FTCD: variants seen among roughly 807,000 people sequenced by gnomAD.
The protein encoded by FTCD is formimidoyltransferase-cyclodeaminase.
In FTCD, 76 loss-of-function variants were observed where a neutral mutation model predicts 62.9. The observed-to-expected ratio is 1.21, with a 90% CI of 1.00 to 1.46. The LOEUF (loss-of-function observed/expected upper bound fraction) is 1.46, where lower values mean the gene tolerates loss of function less well. Ranked by LOEUF, FTCD falls within the 40% of genes most tolerant of loss-of-function variation. The probability of loss-of-function intolerance (pLI) is 0.00; values close to 1 mark genes in which losing one functional copy is unlikely to be tolerated. For missense variants in FTCD, 845 were observed against 751.3 expected (o/e 1.12, Z -1.46); for synonymous variants, 397 against 336.9 (o/e 1.18, Z -1.95).
At position 46,154,225 on chromosome 21, in the gene FTCD, C is replaced by T. The variant is rs759113890; in HGVS notation, c.162G>A (p.Pro54=). ...TNRTVYTFVG[P]PECVVEGALN... is the part of the protein sequence containing the mutation. Reference sequence around the variant, plus strand: ...GGGCCCCCTCCACCACGCACTCCGGCGGCCCCACGAAGGTGTACACGGTGC... The same window carrying T: ...GGGCCCCCTCCACCACGCACTCCGGTGGCCCCACGAAGGTGTACACGGTGC... The change falls in exon 2 of 14, where the codon CCG becomes CCA. Residue 54 remains proline, a synonymous_variant. Coordinates refer to ENST00000397746, the MANE Select transcript of FTCD (RefSeq NM_206965.2). 1.4e-5 allele frequency: 23 copies of T among 1,612,730 alleles called. No individual in the cohort carries two copies. Among genetic ancestry groups the T allele is most frequent in the East Asian group, 2.2e-5 (1 of 44,900 alleles).
downstream of FTCD, chr21:46,136,289 G>GA (rs2078865653): frequency 1.6e-6 from 1 of 636,902 alleles, no homozygotes; most frequent in Admixed American, 2.9e-5. Flanking sequence ...TTTTAATGGA[G>GA]AACTTCTCTG....
chr21:46,138,360 A>G, intron 12 of FTCD, 148 bp downstream of exon 12: 1 of 715,292 alleles, frequency 1.4e-6, no homozygotes, highest in South Asian at 1.8e-5. Flanking sequence ...GCCCTGTTGG[A>G]GGAGGCCAAA....
chr21:46,148,161 A>G (rs909673771), intron 7 of FTCD, among the ~76,000 whole-genome samples: 1 of 152,152 alleles, frequency 6.6e-6, no homozygotes, highest in African/African-American at 2.4e-5. Flanking sequence ...TACTCCCCAC[A>G]ACGTATTAAT....
At position 46,145,427 on chromosome 21, in the gene FTCD, G is replaced by T. The variant is rs2079116277; in HGVS notation, c.1250C>A (p.Thr417Asn). ...TLVDADAEAF[T>N]AYLEAMRLPK... is the part of the protein sequence containing the mutation. ...GTGGCCGCCACTCACCAGGTAGGCG[G>T]TGAAGGCCTCGGCGTCGGCATCCAC... The change falls in exon 10 of 14, where the codon ACC (threonine) becomes AAC (asparagine). Residue 417 changes from threonine to asparagine, a missense_variant. Thr to Asn is a moderately conservative substitution (Grantham distance 65). Transcript: ENST00000397746. 2 of 1,553,460 alleles carry T rather than the reference G, an allele frequency of 1.3e-6. No homozygotes were observed. The highest frequency in any genetic ancestry group is 1.9e-5 in the Admixed American group (1 of 52,758).
In FTCD at chr21:46,138,559, G is replaced by T. The variant is rs1047179; in HGVS notation, c.1392C>A (p.Ala464=). ...LAETVASLWP[A]LQELARCGNL... ...TCCCACACCGGGCCAGTTCCTGCAG[G>T]GCCGGCCACAGCGAGGCCACCGTCT... The change falls in exon 12 of 14, where the codon GCC becomes GCA. Residue 464 remains alanine (A), a synonymous_variant. Coordinates refer to ENST00000397746, the MANE Select transcript of FTCD (RefSeq NM_206965.2). 5 of 1,583,856 alleles carry T rather than the reference G, an allele frequency of 3.2e-6. No individual in the cohort carries two copies. The Admixed American group carries it at 7.0e-5, about 22-fold the overall frequency.
In FTCD at chr21:46,146,165, A is replaced by G. The variant is rs575835131; in HGVS notation, c.968+101T>C. ...TAGGCGCCCAAAGGGAGGCGCTGGG[A>G]GGACTCAGCCGGGTCTCCACGCAGG... On this transcript the variant is annotated intron_variant, in intron 8 of 13. Coordinates refer to ENST00000397746, the MANE Select transcript of FTCD (RefSeq NM_206965.2). 21 of 890,518 alleles carry G rather than the reference A, an allele frequency of 2.4e-5. No homozygotes were observed. In the South Asian group the frequency reaches 3.0e-4, roughly 13 times the overall value. 55.2% of individuals were successfully genotyped at this position (890,518 alleles called of 1,614,324 possible). A position where few individuals can be genotyped will look rare whatever the true frequency, so the allele number is the denominator to read the frequency against.
chr21:46,142,538 C>A (rs66509241), intron 10 of FTCD: 2 of 150,722 alleles, frequency 1.3e-5, no homozygotes, highest in African/African-American at 4.9e-5. Flanking sequence ...TAGCTCCTCC[C>A]GGTGGGTTGG....
intron 5 of FTCD, 111 bp from the exon 6 acceptor site, chr21:46,150,636 TGGGTGG>T (rs1000663795): frequency 2.1e-4 from 238 of 1,135,380 alleles, no homozygotes; most frequent in Non-Finnish European, 2.9e-4. Flanking sequence ...AGCCTGTGCC[TGGGTGG>T]GTGCTGTGGT....
chr21:46,145,928 C>T lies in FTCD; in HGVS notation c.988G>A (p.Gly330Arg), dbSNP rs774835292. ...TTGCTGCCCAGGCCTCGCTCAGGCCCGCGCTCAGGGACCAGGTACCTGCAG... is the reference window on the plus strand; with the variant it reads ...TTGCTGCCCAGGCCTCGCTCAGGCCTGCGCTCAGGGACCAGGTACCTGCAG... ...RIIEYLVPER[G>R]PERGLGSKSL... Residue 330 changes from glycine to arginine, a missense_variant, in exon 9 of 14, where the codon GGG becomes AGG. Transcript: ENST00000397746. 29 of 1,505,360 alleles carry T rather than the reference C, an allele frequency of 1.9e-5. No homozygotes were observed. In the South Asian group the frequency reaches 3.2e-4, roughly 17 times the overall value. The allele number at this position is 1,505,360 out of a possible 1,614,324, so 93.3% of individuals were successfully genotyped here.
Position 46,145,421 on chromosome 21 carries a change from T to C in FTCD, c.1256A>G (p.Tyr419Cys), listed in dbSNP as rs2079116004. 1 of 1,549,084 alleles carries C rather than the reference T, an allele frequency of 6.5e-7. No individual in the cohort carries two copies. Among genetic ancestry groups the C allele is most frequent in the South Asian group, 1.2e-5 (1 of 84,108 alleles). The change falls in exon 10 of 14, where the codon TAC becomes TGC. Residue 419 changes from tyrosine (Y) to cysteine (C), a missense_variant. Transcript: ENST00000397746. ...VDADAEAFTA[Y>C]LEAMRLPKNT... is the part of the protein sequence containing the mutation. Reference sequence around the variant, plus strand: ...CCTGCTGTGGCCGCCACTCACCAGGTAGGCGGTGAAGGCCTCGGCGTCGGC... The same window carrying C: ...CCTGCTGTGGCCGCCACTCACCAGGCAGGCGGTGAAGGCCTCGGCGTCGGC...
At position 46,150,498 on chromosome 21, in the gene FTCD, T is replaced by C. The variant is rs556050938; in HGVS notation, c.664A>G (p.Ile222Val). Residue 222 changes from isoleucine to valine, a missense_variant, in exon 6 of 14, where the codon ATT becomes GTT. By Grantham distance (29) the Ile-to-Val change is conservative. Coordinates refer to ENST00000397746, the MANE Select transcript of FTCD (RefSeq NM_206965.2). ...QPGRLKKVQG[I>V]GWYLDEKNLA... ...TTCTTCTCATCCAGGTACCAGCCAA[T>C]GCCCTGAACTTTCTTCAGACGTCCT... The C allele has an allele frequency of 1.1e-5, 18 of 1,613,382 alleles. No individual in the cohort carries two copies. The South Asian group carries it at 1.8e-4, about 16-fold the overall frequency.
At chr21:46,149,438 C>T (rs1207727332) in intron 7 of FTCD, among the ~76,000 whole-genome samples, 1 of 152,140 alleles carries the variant, frequency 6.6e-6, no homozygotes, top group Non-Finnish European at 1.5e-5. Flanking sequence ...GTCACGAGAG[C>T]TAAATCAGTA....
chr21:46,138,926 GC>G lies in FTCD; in HGVS notation c.1261-4del. 6.2e-7 allele frequency: 1 copy of G among 1,611,550 alleles called. No individual in the cohort carries two copies. Among genetic ancestry groups the G allele is most frequent in the Non-Finnish European group, 8.5e-7 (1 of 1,177,854 alleles). ...TTCTTGGGGAGCCTCATTGCTTCCT[GC>G]CATAAAGAGACAGAACCACTGGGCG... On this transcript the variant is annotated splice_region_variant and splice_polypyrimidine_tract_variant and intron_variant, in intron 10 of 13. Transcript: ENST00000397746.
chr21:46,142,825 G>GT (rs1268396903), intron 10 of FTCD: 1 of 152,212 alleles, frequency 6.6e-6, no homozygotes, highest in East Asian at 1.9e-4. Flanking sequence ...TGATTGGTCC[G>GT]TTTTTAAAGA....
chr21:46,139,116 T>C, intron 10 of FTCD, 193 bp from the exon 11 acceptor site: 1 of 605,692 alleles, frequency 1.7e-6, no homozygotes, highest in South Asian at 1.8e-5. Flanking sequence ...GTAGGGGGGG[T>C]CGGGGCACAC....
intron 7 of FTCD, among the ~76,000 whole-genome samples, chr21:46,148,663 T>C (rs964076463): frequency 3.3e-5 from 5 of 152,148 alleles, no homozygotes; most frequent in African/African-American, 1.2e-4. Context: ...CACAACTACA[T>C]CTGGCCACAA....
In FTCD at chr21:46,145,834, G is replaced by T; in HGVS notation, c.1082C>A (p.Ala361Glu). 4.7e-6 allele frequency: 4 copies of T among 852,470 alleles called. No homozygotes were observed. The highest frequency in any genetic ancestry group is 5.4e-6 in the Non-Finnish European group (4 of 744,294). 52.8% of individuals were successfully genotyped at this position (852,470 alleles called of 1,614,324 possible). A position where few individuals can be genotyped will look rare whatever the true frequency, so the allele number is the denominator to read the frequency against. Reference sequence around the variant, plus strand: ...CGCGCTCACCATGGCCGCAGCGGCCGCCGCCACCGAGCCGCCCCCGGGGGC... The same window carrying T: ...CGCGCTCACCATGGCCGCAGCGGCCTCCGCCACCGAGCCGCCCCCGGGGGC... ...SAAPGGGSVA[A>E]AAAAMGAALG... Residue 361 changes from alanine to glutamate, a missense_variant, in exon 9 of 14, where the codon GCG becomes GAG. Physicochemically the swap from Ala to Glu is moderately radical, Grantham distance 107. Coordinates refer to ENST00000397746, the MANE Select transcript of FTCD (RefSeq NM_206965.2).
intron 10 of FTCD, among the ~76,000 whole-genome samples, chr21:46,141,750 C>T (rs566619317): frequency 6.6e-6 from 1 of 152,182 alleles, no homozygotes; most frequent in African/African-American, 2.4e-5. Context: ...AGCGAAAGCC[C>T]CAAGAGAAAC....
At chr21:46,151,423 C>T (rs936781725) in intron 5 of FTCD, 135 bp downstream of exon 5, 11 of 795,852 alleles carry the variant, frequency 1.4e-5, no homozygotes, top group East Asian at 2.5e-5. Context: ...GAGGCTGGGC[C>T]GGTCTGCAGG....
Sources: gnomAD v4.1 joint callset for allele counts (sites outside exome capture counted in the v4.1 genomes callset) on GRCh38, gnomAD v4.1.1 for gene constraint, MANE v1.5 for transcripts, NCBI Gene and HGNC (gene_info 2026-07-23, HGNC 2026-07-21) for gene names.